ZFHX3: variants seen among roughly 807,000 people sequenced by gnomAD.
The protein encoded by ZFHX3 is zinc finger homeobox protein 3.
In ZFHX3, 42 loss-of-function variants were observed where a neutral mutation model predicts 279.1. That is an observed-to-expected ratio of 0.15 (90% CI 0.12 to 0.19). The LOEUF (loss-of-function observed/expected upper bound fraction) is 0.19. ZFHX3 is among the 10% of genes least tolerant of loss of function. The pLI, the probability that ZFHX3 is intolerant of heterozygous loss-of-function variation, is 1.00. For missense variants in ZFHX3, 4,981 were observed against 4,754.0 expected (o/e 1.05, Z -1.40); for synonymous variants, 2,293 against 1,957.8 (o/e 1.17, Z -4.52).
chr16:73,537,401 C>T (rs1189219820), intron 2 of ZFHX3, among the ~76,000 whole-genome samples: 1 of 142,392 alleles, frequency 7.0e-6, no homozygotes, highest in African/African-American at 2.6e-5. Context: ...ATTGCACCCT[C>T]TGCCTCCTGG....
intron 3 of ZFHX3, among the ~76,000 whole-genome samples, chr16:72,938,795 G>A (rs1166571014): frequency 6.6e-6 from 1 of 152,202 alleles, no homozygotes; most frequent in Non-Finnish European, 1.5e-5. Flanking sequence ...TGTCCCTGGA[G>A]GAGTTGTTTG....
At chr16:73,657,414 C>T (rs891185700) in intron 2 of ZFHX3, among the ~76,000 whole-genome samples, 3 of 152,146 alleles carry the variant, frequency 2.0e-5, no homozygotes, top group Admixed American at 6.5e-5. Flanking sequence ...GCCAAGATCG[C>T]GCCATTGCAC....
At chr16:73,873,133 TGGTGGTGGTGGGTGGTGGTG>T (rs1377790770) in intron 1 of ZFHX3, among the ~76,000 whole-genome samples, 1 of 16,536 alleles carries the variant, frequency 6.0e-5, no homozygotes, top group Non-Finnish European at 1.3e-4. Context: ...CGGTGGATGG[TGGTGGTGGTGGGTGGTGGTG>T]GGTGGTGGGT....
At chr16:72,829,514 G>T (rs2037015687) in intron 5 of ZFHX3, 1 of 450,904 alleles carries the variant, frequency 2.2e-6, no homozygotes, top group Non-Finnish European at 4.0e-6. Context: ...CACTTACCTG[G>T]ATACTCAATA....
intron 2 of ZFHX3, among the ~76,000 whole-genome samples, chr16:73,529,409 C>T (rs1332299094): frequency 6.6e-6 from 1 of 152,176 alleles, no homozygotes; most frequent in African/African-American, 2.4e-5. Flanking sequence ...GCGGGTTTCA[C>T]TCATGTGATG....
chr16:73,647,475 C>G (rs914935588), intron 2 of ZFHX3, among the ~76,000 whole-genome samples: 19 of 152,208 alleles, frequency 1.2e-4, no homozygotes, highest in Admixed American at 3.9e-4. Flanking sequence ...CCGCTTCACT[C>G]CCTCTCTCCT....
intron 3 of ZFHX3, among the ~76,000 whole-genome samples, chr16:73,359,312 G>A (rs1027109162): frequency 6.6e-6 from 1 of 152,050 alleles, no homozygotes; most frequent in Non-Finnish European, 1.5e-5. Flanking sequence ...AATGGCATGT[G>A]CAGAGAAGCA....
chr16:73,720,430 C>T (rs762313661), intron 1 of ZFHX3, among the ~76,000 whole-genome samples: 7 of 152,234 alleles, frequency 4.6e-5, no homozygotes, highest in African/African-American at 2.4e-5. Context: ...TGTCCATTTC[C>T]GTAGCTAACT....
intron 1 of ZFHX3, among the ~76,000 whole-genome samples, chr16:73,810,727 G>C (rs1269387192): frequency 6.6e-6 from 1 of 152,060 alleles, no homozygotes; most frequent in Admixed American, 6.6e-5. Context: ...TGAACTATCA[G>C]GGAAATCTTA....
At chr16:72,816,868 T>C (rs1567530780) in intron 5 of ZFHX3, among the ~76,000 whole-genome samples, 2 of 152,358 alleles carry the variant, frequency 1.3e-5, no homozygotes, top group Admixed American at 1.3e-4. Context: ...CATTTATGCA[T>C]GGAGACACCA....
In ZFHX3 at chr16:73,297,079, G is replaced by A. The variant is rs370140567; in HGVS notation, c.-1194+21161C>T. Among the ~76,000 whole-genome samples, 109 of 151,562 alleles carry A rather than the reference G, an allele frequency of 7.2e-4. 4 individuals carry two copies. The highest frequency in any genetic ancestry group is 3.1e-3 in the East Asian group (16 of 5,142). On this transcript the variant is annotated intron_variant, in intron 4 of 17. Coordinates refer to the ZFHX3 transcript ENST00000641206. ...TTTTTAGTAGAGACAGGGTTTCACC[G>A]TGTTAGCCAGGATGGTCTCGATCCC...
At chr16:73,148,974 T>C (rs1282825912) in intron 5 of ZFHX3, among the ~76,000 whole-genome samples, 1 of 151,316 alleles carries the variant, frequency 6.6e-6, no homozygotes, top group Non-Finnish European at 1.5e-5. Flanking sequence ...TGATTGTATT[T>C]GCTTCACAAT....
intron 2 of ZFHX3, among the ~76,000 whole-genome samples, chr16:73,599,613 G>T (rs1324630483): frequency 6.6e-6 from 1 of 151,834 alleles, no homozygotes; most frequent in East Asian, 1.9e-4. Flanking sequence ...AAATTGCTTT[G>T]GATTTTCTCC....
intron 2 of ZFHX3, among the ~76,000 whole-genome samples, chr16:73,564,715 TAC>T (rs1282244663): frequency 1.3e-5 from 2 of 152,160 alleles, no homozygotes; most frequent in Admixed American, 1.3e-4. Context: ...GACCCACTCC[TAC>T]TCCCTATACT....
At chr16:73,116,645 A>G (rs943525714) in intron 7 of ZFHX3, among the ~76,000 whole-genome samples, 1 of 152,128 alleles carries the variant, frequency 6.6e-6, no homozygotes, top group Non-Finnish European at 1.5e-5. Flanking sequence ...GCAGCCTTCA[A>G]TGAAGCACTT....
chr16:73,109,315 A>C (rs1247237774), intron 7 of ZFHX3, among the ~76,000 whole-genome samples: 1 of 152,164 alleles, frequency 6.6e-6, no homozygotes, highest in Non-Finnish European at 1.5e-5. Context: ...CCAACAGTCC[A>C]TCTCAGACAC....
chr16:73,386,235 T>A (rs985863229), intron 3 of ZFHX3, among the ~76,000 whole-genome samples: 1 of 152,140 alleles, frequency 6.6e-6, no homozygotes, highest in Non-Finnish European at 1.5e-5. Flanking sequence ...TGTTTAACTC[T>A]CTTACCAAAA....
chr16:73,468,174 T>C (rs2018604325), intron 2 of ZFHX3, among the ~76,000 whole-genome samples: 2 of 152,196 alleles, frequency 1.3e-5, no homozygotes, highest in South Asian at 4.1e-4. Context: ...CAAAATGCTG[T>C]CCTCAAACAT....
chr16:73,446,014 C>A (rs2143548017), intron 3 of ZFHX3, among the ~76,000 whole-genome samples: 1 of 152,290 alleles, frequency 6.6e-6, no homozygotes, highest in Middle Eastern at 3.4e-3. Context: ...TTCCTGGGAT[C>A]ACCTTACAAA....
Sources: allele counts gnomAD v4.1 joint callset (sites outside exome capture counted in the v4.1 genomes callset), GRCh38; gene constraint gnomAD v4.1.1; transcripts MANE v1.5; gene names NCBI Gene and HGNC (gene_info 2026-07-23, HGNC 2026-07-21).